VPS8: variants seen among roughly 807,000 people sequenced by gnomAD.
VPS8 encodes the protein vacuolar protein sorting-associated protein 8 homolog.
Under a neutral mutation model 216.4 loss-of-function variants are expected in VPS8, and 129 were observed. The ratio of observed to expected loss-of-function variants is 0.60; its 90% confidence interval spans 0.52 to 0.69. The LOEUF is 0.69. VPS8 is among the 30% of genes least tolerant of loss of function. The pLI is 0.00. For missense variants in VPS8, 1,531 were observed against 1,683.5 expected (o/e 0.91, Z 1.59); for synonymous variants, 571 against 565.4 (o/e 1.01, Z -0.14).
At chr3:184,925,090 A>G in intron 30 of VPS8, 109 bp downstream of exon 30, 1 of 1,415,452 alleles carries the variant, frequency 7.1e-7, no homozygotes, top group Non-Finnish European at 9.4e-7. Context: ...ATACCTTATC[A>G]AGGAGAGGCC....
chr3:184,930,449 A>G, intron 33 of VPS8, 21 bp from the exon 34 acceptor site: 1 of 1,559,318 alleles, frequency 6.4e-7, no homozygotes, highest in Non-Finnish European at 8.8e-7. Flanking sequence ...TGAATAAATT[A>G]TATTGTCTTG....
chr3:184,961,922 G>A (rs1389728446), intron 37 of VPS8, among the ~76,000 whole-genome samples: 4 of 151,922 alleles, frequency 2.6e-5, no homozygotes, highest in Non-Finnish European at 5.9e-5. Flanking sequence ...GCACACCACC[G>A]TGCTAATTTT....
At chr3:184,940,287 T>TATA in intron 36 of VPS8, 44 bp downstream of exon 36, 1 of 801,898 alleles carries the variant, frequency 1.2e-6, no homozygotes, top group Non-Finnish European at 1.7e-6. Flanking sequence ...TATATATATA[T>TATA]ATGAGAAATA....
chr3:185,020,397 TG>T (rs1553907226), intron 45 of VPS8, among the ~76,000 whole-genome samples: 1 of 152,178 alleles, frequency 6.6e-6, no homozygotes, highest in Non-Finnish European at 1.5e-5. Flanking sequence ...TTATTTGCTT[TG>T]TTTGAGCTGT....
intron 25 of VPS8, among the ~76,000 whole-genome samples, chr3:184,902,559 C>T (rs1368515416): frequency 6.7e-6 from 1 of 148,794 alleles, no homozygotes; most frequent in Non-Finnish European, 1.5e-5. Flanking sequence ...GAGCCGGGTG[C>T]TGTGGCTCAC....
chr3:184,843,178 C>G, intron 7 of VPS8, 62 bp from the exon 8 acceptor site: 2 of 1,311,044 alleles, frequency 1.5e-6, no homozygotes, highest in Non-Finnish European at 2.0e-6. Context: ...TTTCTTCGAA[C>G]TTTTGAACTG....
Position 184,994,007 on chromosome 3 carries a change from C to T in VPS8, c.3610C>T (p.Leu1204Phe). The T allele has an allele frequency of 1.9e-6, 3 of 1,566,422 alleles. No homozygotes were observed. The highest frequency in any genetic ancestry group is 2.6e-6 in the Non-Finnish European group (3 of 1,156,682). ...LQDPVYGKGK[L>F]GEIQGLILGM... is the part of the protein sequence containing the mutation. ...GGATCCAGTTTATGGAAAAGGAAAA[C>T]TTGGAGAAATCCAGGGACTTATCTT... Residue 1204 changes from leucine to phenylalanine, a missense_variant, in exon 43 of 48, where the codon CTT becomes TTT. Physicochemically the swap from Leu to Phe is conservative, Grantham distance 22. Transcript: ENST00000625842.
intron 39 of VPS8, among the ~76,000 whole-genome samples, chr3:184,967,043 T>G (rs565758836): frequency 1.3e-5 from 2 of 152,082 alleles, no homozygotes; most frequent in East Asian, 3.9e-4. Context: ...CTTGGCTCAC[T>G]GCAACCTCCA....
intron 3 of VPS8, among the ~76,000 whole-genome samples, chr3:184,830,594 CT>C (rs1560291648): frequency 6.6e-6 from 1 of 152,162 alleles, no homozygotes; most frequent in South Asian, 2.1e-4. Context: ...ATCTTCACTT[CT>C]TTTTTTCCCT....
chr3:184,838,909 TTTC>T, intron 6 of VPS8, 163 bp downstream of exon 6: 1 of 546,794 alleles, frequency 1.8e-6, no homozygotes, highest in East Asian at 3.5e-5. Flanking sequence ...TGTTGAATGC[TTTC>T]TTTTTTCCTA....
intron 39 of VPS8, among the ~76,000 whole-genome samples, chr3:184,969,884 T>C (rs1748111019): frequency 6.7e-6 from 1 of 149,800 alleles, no homozygotes; most frequent in Non-Finnish European, 1.5e-5. Context: ...GTCTCATGCC[T>C]GCCATCTACT....
chr3:184,916,165 G>A (rs577163184), intron 28 of VPS8, among the ~76,000 whole-genome samples: 26 of 152,316 alleles, frequency 1.7e-4, no homozygotes, highest in African/African-American at 5.3e-4. Context: ...GAAATGGAAC[G>A]CGGAAGCTTT....
intron 21 of VPS8, among the ~76,000 whole-genome samples, chr3:184,877,334 T>G (rs1729447011): frequency 6.6e-6 from 1 of 152,228 alleles, no homozygotes; most frequent in Admixed American, 6.5e-5. Flanking sequence ...TTTTTGTCAT[T>G]GCCGTATGCC....
intron 36 of VPS8, among the ~76,000 whole-genome samples, chr3:184,956,941 G>A (rs1745710800): frequency 6.6e-6 from 1 of 152,166 alleles, no homozygotes; most frequent in South Asian, 2.1e-4. Context: ...AGAGAAGATA[G>A]ATAATTAAAG....
chr3:184,946,160 C>G (rs918394971), intron 36 of VPS8, among the ~76,000 whole-genome samples: 2 of 152,316 alleles, frequency 1.3e-5, no homozygotes, highest in African/African-American at 2.4e-5. Context: ...GAAAGGCAAG[C>G]TAGGTTACAG....
intron 37 of VPS8, among the ~76,000 whole-genome samples, chr3:184,959,056 C>T (rs537883671): frequency 1.6e-4 from 25 of 152,124 alleles, no homozygotes; most frequent in Non-Finnish European, 3.2e-4. Flanking sequence ...GGCTGGGAAA[C>T]GAAGCCATGG....
intron 37 of VPS8, among the ~76,000 whole-genome samples, chr3:184,959,742 T>C (rs1746181798): frequency 6.6e-6 from 1 of 152,184 alleles, no homozygotes; most frequent in Non-Finnish European, 1.5e-5. Context: ...CCAGTGATAA[T>C]ATGGTGTCAC....
intron 21 of VPS8, among the ~76,000 whole-genome samples, chr3:184,874,582 G>A (rs550136734): frequency 1.9e-4 from 29 of 152,244 alleles, no homozygotes; most frequent in South Asian, 1.5e-3. Flanking sequence ...ATCAAATTAC[G>A]TGAGTACTGG....
At chr3:184,812,697 C>G (rs1351221974) in intron 1 of VPS8, 1 of 152,222 alleles carries the variant, frequency 6.6e-6, no homozygotes, top group Non-Finnish European at 1.5e-5. Flanking sequence ...TACAGTCGTG[C>G]GGCAATTAGG....
Sources: allele counts gnomAD v4.1 joint callset (sites outside exome capture counted in the v4.1 genomes callset), GRCh38; gene constraint gnomAD v4.1.1; transcripts MANE v1.5; gene names NCBI Gene and HGNC (gene_info 2026-07-23, HGNC 2026-07-21).